Variants in PGGHG observed in about 807,000 individuals in gnomAD.
The protein encoded by PGGHG is protein-glucosylgalactosylhydroxylysine glucosidase, also known as ATH1, acid trehalase-like 1.
A neutral mutation model predicts 74.5 loss-of-function variants in PGGHG; 67 were observed. The observed-to-expected ratio is 0.90, with a 90% CI of 0.74 to 1.10. The LOEUF (loss-of-function observed/expected upper bound fraction) is 1.10. Among genes scored for constraint, PGGHG ranks in the 50% least tolerant of loss-of-function variants. The probability of loss-of-function intolerance (pLI) is 0.00; values close to 1 mark genes in which losing one functional copy is unlikely to be tolerated. For missense variants in PGGHG, 1,034 were observed against 981.5 expected, an observed-to-expected ratio of 1.05 and a Z score of -0.72; for synonymous variants, 496 against 419.9, an observed-to-expected ratio of 1.18 and a Z score of -2.21.
In PGGHG at chr11:291,078, G is replaced by A. The variant is rs1845706806; in HGVS notation, c.871G>A (p.Glu291Lys). 4 of 1,602,378 alleles carry A rather than the reference G, an allele frequency of 2.5e-6. No homozygotes were observed. The highest frequency in any genetic ancestry group is 3.4e-6 in the Non-Finnish European group (4 of 1,172,968). The change falls in exon 4 of 14, where the codon GAG becomes AAG. Residue 291 changes from glutamate to lysine, a missense_variant. Transcript: ENST00000409548. ...SPGGLSNGSR[E>K]ECYWGHVFWD... ...TGGGGGCCTCTCCAATGGGAGCCGT[G>A]AGGAATGCTACTGGGGCCACGTCTT...
rs181135445 is a variant in PGGHG, at chr11:293,448, G to A, written c.1426G>A (p.Val476Ile). Residue 476 changes from valine to isoleucine, a missense_variant, in exon 9 of 14, where the codon GTA becomes ATA. Transcript: ENST00000409548. ...GCTGGCGGTGGCTGACAAGATCAAGGTACCCTTTGACGTGGAGCAGAACTT... is the reference window on the plus strand; with the variant it reads ...GCTGGCGGTGGCTGACAAGATCAAGATACCCTTTGACGTGGAGCAGAACTT... ...QWLAVADKIK[V>I]PFDVEQNFHP... 1.9e-6 allele frequency: 3 copies of A among 1,612,294 alleles called. No individual in the cohort carries two copies. The African/African-American group carries it at 4.0e-5, about 21-fold the overall frequency.
rs1351436221 is a variant in PGGHG, at chr11:294,467, C to T, written c.2009C>T (p.Ser670Phe). ...AELWPSQSRLSLLPGHKVSFP... is the reference protein window; with the variant it reads ...AELWPSQSRLFLLPGHKVSFP... ...CTGTGGCCATCCCAGTCCCGGCTCT[C>T]CCTGTTGCCAGGTAGAACAGCCCCC... The change falls in exon 13 of 14, where the codon TCC becomes TTC. Residue 670 changes from serine to phenylalanine, a missense_variant. Transcript: ENST00000409548. The T allele has an allele frequency of 4.9e-6, 6 of 1,235,010 alleles. No individual in the cohort carries two copies. Among genetic ancestry groups the T allele is most frequent in the Non-Finnish European group, 6.3e-6 (6 of 949,250 alleles). 76.5% of individuals were successfully genotyped at this position (1,235,010 alleles called of 1,614,324 possible).
At position 292,955 on chromosome 11, in the gene PGGHG, C is replaced by A. The variant is rs770309826; in HGVS notation, c.1228C>A (p.Arg410Ser). ...VRAVAEFWCS[R>S]VEWSPREEKY... is the part of the protein sequence containing the mutation. ...GGCTGTGGCCGAGTTTTGGTGCAGT[C>A]GTGTTGAGTGGAGCCCCAGGGAGGA... is the stretch of plus-strand genomic sequence containing the variant. Residue 410 changes from arginine to serine, a missense_variant, in exon 7 of 14, where the codon CGT (arginine) becomes AGT (serine). Physicochemically the swap from Arg to Ser is moderately radical, Grantham distance 110 (BLOSUM62 -1). Transcript: ENST00000409548. 26 of 1,613,978 alleles carry A rather than the reference C, an allele frequency of 1.6e-5. No homozygotes were observed. The highest frequency in any genetic ancestry group is 2.2e-5 in the Non-Finnish European group (26 of 1,179,994).
chr11:292,516 G>C (rs751866780), intron 5 of PGGHG, 30 bp from the exon 6 acceptor site: 3 of 1,608,930 alleles, frequency 1.9e-6, no homozygotes, highest in Non-Finnish European at 2.5e-6. Flanking sequence ...CCTCCAACAA[G>C]GTCAAGTCTG....
Position 290,816 on chromosome 11 carries a change from A to G in PGGHG, c.609A>G (p.Ala203=), listed in dbSNP as rs10902120. The change falls in exon 4 of 14, where the codon GCA becomes GCG. Residue 203 remains alanine (A), a synonymous_variant. Coordinates refer to ENST00000409548, the MANE Select transcript of PGGHG (RefSeq NM_025092.5). ...EEARTWDFLT[A]VGGSQAEAQA... ...CTAGGACGTGGGACTTCCTGACAGC[A>G]GTGGGCGGCAGCCAGGCTGAGGCTC... The G allele has an allele frequency of 0.74, 1,200,597 of 1,612,182 alleles. 449,982 individuals carry two copies. Among genetic ancestry groups the G allele is most frequent in the Middle Eastern group, 0.82 (4,927 of 6,036 alleles).
rs1025994501 is a variant in PGGHG at position 289,556 on chromosome 11, G to C, written c.-13-248G>C. The stretch of plus-strand genomic sequence containing the variant: ...TTAGGACTGGAATTCTAAGGTAGCA[G>C]GAGGGAGAGACACACTCAGGGGCTC... On this transcript the variant is annotated intron_variant, in intron 1 of 13. Coordinates refer to ENST00000409548, the MANE Select transcript of PGGHG (RefSeq NM_025092.5). The surrounding 1 kb of genome is among the most constrained non-coding windows in gnomAD (Gnocchi z 5.6). The C allele has an allele frequency of 5.5e-6, 3 of 547,192 alleles. No individual in the cohort carries two copies. The highest frequency in any genetic ancestry group is 1.9e-5 in the African/African-American group (1 of 52,546). 33.9% of individuals were successfully genotyped at this position (547,192 alleles called of 1,614,324 possible).
intron 6 of PGGHG, 30 bp from the exon 7 acceptor site, chr11:292,856 C>T: frequency 6.2e-7 from 1 of 1,613,442 alleles, no homozygotes; most frequent in East Asian, 2.2e-5. Context: ...GACTGGGGCC[C>T]TGGCCTCTGT....
At position 294,616 on chromosome 11, in the gene PGGHG, C is replaced by T. The variant is rs542400746; in HGVS notation, c.2081C>T (p.Pro694Leu). 4.6e-6 allele frequency: 7 copies of T among 1,508,124 alleles called. No homozygotes were observed. The African/African-American group carries it at 1.1e-4, about 23-fold the overall frequency. 93.4% of individuals were successfully genotyped at this position (1,508,124 alleles called of 1,614,324 possible). ...GRIQMSPPKL[P>L]GSSSSEFPGR... ...ATACAAATGTCACCCCCGAAGCTGC[C>T]TGGAAGTTCCAGCTCCGAGTTCCCT... Residue 694 changes from proline (P) to leucine (L), a missense_variant, in exon 14 of 14, where the codon CCT becomes CTT. By Grantham distance (98) the Pro-to-Leu change is moderately conservative. Transcript: ENST00000409548.
Position 289,567 on chromosome 11 carries a change from C to G in PGGHG, c.-13-237C>G. On this transcript the variant is annotated intron_variant, in intron 1 of 13. Transcript: ENST00000409548. The surrounding 1 kb of genome is among the most constrained non-coding windows in gnomAD (Gnocchi z 5.6). ...ATTCTAAGGTAGCAGGAGGGAGAGA[C>G]ACACTCAGGGGCTCAGCTGGGTTCC... 2 of 561,392 alleles carry G rather than the reference C, an allele frequency of 3.6e-6. No homozygotes were observed. The highest frequency in any genetic ancestry group is 6.2e-6 in the Non-Finnish European group (2 of 320,604). The allele number at this position is 561,392 out of a possible 1,614,324, so 34.8% of individuals were successfully genotyped here.
At position 289,900 on chromosome 11, in the gene PGGHG, C is replaced by T. The variant is rs977443617; in HGVS notation, c.84C>T (p.Asn28=). The change falls in exon 2 of 14, where the codon AAC becomes AAT. Residue 28 remains asparagine, a synonymous_variant. Coordinates refer to ENST00000409548, the MANE Select transcript of PGGHG (RefSeq NM_025092.5). This position sits in a 1 kb window ranked among gnomAD's most constrained non-coding sequence, Gnocchi z 5.6. ...SDPRLLATVT[N]AYLGTRVFHD... is the part of the protein sequence containing the mutation. ...CCCGTCTCTTGGCCACTGTGACCAA[C>T]GCATACCTGGGCACACGAGTGTTTC... The T allele has an allele frequency of 5.2e-6, 8 of 1,551,006 alleles. No homozygotes were observed. The African/African-American group carries it at 5.5e-5, about 11-fold the overall frequency.
chr11:291,046 T>G lies in PGGHG; in HGVS notation c.839T>G (p.Leu280Arg). ...GCCCCAGGATACATCTGCCATGGCC[T>G]CAGTCCTGGGGGCCTCTCCAATGGG... is the stretch of plus-strand genomic sequence containing the variant. ...PKAPGYICHG[L>R]SPGGLSNGSR... The change falls in exon 4 of 14, where the codon CTC becomes CGC. Residue 280 changes from leucine (L) to arginine (R), a missense_variant. Coordinates refer to ENST00000409548, the MANE Select transcript of PGGHG (RefSeq NM_025092.5). 1 of 1,611,806 alleles carries G rather than the reference T, an allele frequency of 6.2e-7. No individual in the cohort carries two copies. Among genetic ancestry groups the G allele is most frequent in the Non-Finnish European group, 8.5e-7 (1 of 1,179,334 alleles).
intron 4 of PGGHG, 100 bp downstream of exon 4, chr11:291,213 A>T (rs1238225948): frequency 1.4e-6 from 2 of 1,397,350 alleles, no homozygotes; most frequent in Non-Finnish European, 1.9e-6. Flanking sequence ...GGGGAAGCAC[A>T]GGGACTGTGG....
At chr11:291,694 A>G (rs11246055) in intron 4 of PGGHG, 236,803 of 380,266 alleles carry the variant, frequency 0.62, 77,100 homozygotes, top group Non-Finnish European at 0.69. Flanking sequence ...ATTCACTGCC[A>G]GCCTGAAGCT....
intron 4 of PGGHG, 27 bp from the exon 5 acceptor site, chr11:291,949 C>G: frequency 6.3e-7 from 1 of 1,586,626 alleles, no homozygotes; most frequent in Non-Finnish European, 8.6e-7. Flanking sequence ...GCCTGTCCGG[C>G]GCTAGAACGA....
At position 293,221 on chromosome 11, in the gene PGGHG, C is replaced by G; in HGVS notation, c.1329C>G (p.Val443=). ...TCAACAACTCTGTGTACACCAACGT[C>G]CTGGTCCAGAACAGGTCAGACACAA... ...SGVNNSVYTN[V]LVQNSLRFAA... The change falls in exon 8 of 14, where the codon GTC becomes GTG. Residue 443 remains valine, a synonymous_variant. Coordinates refer to ENST00000409548, the MANE Select transcript of PGGHG (RefSeq NM_025092.5). 1 of 1,613,648 alleles carries G rather than the reference C, an allele frequency of 6.2e-7. No individual in the cohort carries two copies. Among genetic ancestry groups the G allele is most frequent in the Non-Finnish European group, 8.5e-7 (1 of 1,179,988 alleles).
At position 295,309 on chromosome 11, in the gene PGGHG, TTAA is replaced by T. The variant is rs1415348090; in HGVS notation, c.*562_*564del. The T allele has an allele frequency of 6.6e-6, 1 of 152,298 alleles. No homozygotes were observed. The highest frequency in any genetic ancestry group is 1.5e-5 in the Non-Finnish European group (1 of 68,094). 9.4% of individuals were successfully genotyped at this position (152,298 alleles called of 1,614,324 possible). On this transcript the variant is annotated 3_prime_UTR_variant, in exon 14 of 14. Transcript: ENST00000409548. ...AGGCTCCTCTTGACTCTGGGCAGCT[TTAA>T]TCAGGTTGGGCAGCCTCTGCTACAG...
At chr11:294,072 TG>T (rs759658429) in intron 11 of PGGHG, 26 bp from the exon 12 acceptor site, 2 of 1,588,182 alleles carry the variant, frequency 1.3e-6, no homozygotes, top group Non-Finnish European at 1.7e-6. Flanking sequence ...CTGGGGGTCC[TG>T]GTGTCAGCTG....
At chr11:293,527 C>T (rs753340580) in intron 9 of PGGHG, 25 bp downstream of exon 9, 3 of 1,611,736 alleles carry the variant, frequency 1.9e-6, no homozygotes, top group Non-Finnish European at 2.5e-6. Flanking sequence ...TCAAGGGCTC[C>T]TCCCCTGCCG....
rs947735744 is a variant in PGGHG, at chr11:295,470, G to C, written c.*721G>C. Reference sequence around the variant, plus strand: ...AGACCCCAGCGCTCTCCACGGACCAGCCAGAGGGACTGGAGCCAGGTGTGC... The same window carrying C: ...AGACCCCAGCGCTCTCCACGGACCACCCAGAGGGACTGGAGCCAGGTGTGC... On this transcript the variant is annotated 3_prime_UTR_variant, in exon 14 of 14. Coordinates refer to ENST00000409548, the MANE Select transcript of PGGHG (RefSeq NM_025092.5). 6 of 152,312 alleles carry C rather than the reference G, an allele frequency of 3.9e-5. No homozygotes were observed. Among genetic ancestry groups the C allele is most frequent in the Non-Finnish European group, 7.3e-5 (5 of 68,090 alleles). The allele number at this position is 152,312 out of a possible 1,614,324, so 9.4% of individuals were successfully genotyped here.
Sources: allele counts gnomAD v4.1 joint callset, GRCh38; gene constraint gnomAD v4.1.1; non-coding constraint Gnocchi (gnomAD v3.1); transcripts MANE v1.5; gene names NCBI Gene and HGNC (gene_info 2026-07-23, HGNC 2026-07-21).